The following SPIDR variants were observed in gnomAD, a reference collection of about 807,000 sequenced individuals.
SPIDR encodes the protein DNA repair-scaffolding protein.
SPIDR carries 93 observed loss-of-function variants against 104.6 expected under a neutral mutation model. The observed-to-expected ratio is 0.89, with a 90% CI of 0.75 to 1.06. The LOEUF (loss-of-function observed/expected upper bound fraction) is 1.06. Among genes scored for constraint, SPIDR ranks in the 50% least tolerant of loss-of-function variants. The pLI is 0.00. For missense variants in SPIDR, 1,154 were observed against 1,111.2 expected (o/e 1.04, Z -0.55); for synonymous variants, 431 against 416.9 (o/e 1.03, Z -0.41).
chr8:47,553,955 G>A (rs1210206899), intron 8 of SPIDR, among the ~76,000 whole-genome samples: 1 of 152,174 alleles, frequency 6.6e-6, no homozygotes, highest in Non-Finnish European at 1.5e-5. Flanking sequence ...CTGTTTGTTT[G>A]TTTTCCTTCC....
intron 8 of SPIDR, among the ~76,000 whole-genome samples, chr8:47,480,745 C>T (rs2076814748): frequency 6.6e-6 from 1 of 152,200 alleles, no homozygotes; most frequent in Admixed American, 6.5e-5. Flanking sequence ...GCATCTTCTC[C>T]TTCCTGTCCA....
intron 8 of SPIDR, among the ~76,000 whole-genome samples, chr8:47,508,574 G>A (rs554307446): frequency 7.9e-5 from 12 of 152,258 alleles, no homozygotes; most frequent in South Asian, 2.1e-4. Context: ...TGTTGCTTTC[G>A]GTTGCTATTG....
chr8:47,636,962 A>G (rs2068019376), intron 10 of SPIDR, among the ~76,000 whole-genome samples: 1 of 152,058 alleles, frequency 6.6e-6, no homozygotes, highest in Non-Finnish European at 1.5e-5. Flanking sequence ...GAGCCTTGGC[A>G]GGAGGGTGAG....
At chr8:47,369,907 A>AT (rs1344035328) in intron 5 of SPIDR, among the ~76,000 whole-genome samples, 52 of 150,534 alleles carry the variant, frequency 3.5e-4, no homozygotes, top group East Asian at 7.8e-4. Context: ...GTTTGTCTGG[A>AT]TTTTTTTTTG....
At chr8:47,727,978 A>G (rs1024356839) in intron 17 of SPIDR, among the ~76,000 whole-genome samples, 2 of 152,264 alleles carry the variant, frequency 1.3e-5, no homozygotes, top group Middle Eastern at 3.4e-3. Context: ...TTAGCTGGGC[A>G]TGGTGGCGCG....
chr8:47,385,460 A>T (rs933228989), intron 5 of SPIDR, among the ~76,000 whole-genome samples: 9 of 152,254 alleles, frequency 5.9e-5, no homozygotes, highest in Admixed American at 1.3e-4. Context: ...CTTCATGTAC[A>T]TATGAGTCTG....
chr8:47,696,040 T>TG (rs1426174208), intron 11 of SPIDR, among the ~76,000 whole-genome samples: 1 of 152,224 alleles, frequency 6.6e-6, no homozygotes, highest in African/African-American at 2.4e-5. Flanking sequence ...TGAGTGATGC[T>TG]GGGGCTGCCT....
intron 8 of SPIDR, among the ~76,000 whole-genome samples, chr8:47,463,801 C>T (rs1227952718): frequency 6.6e-6 from 1 of 152,144 alleles, no homozygotes; most frequent in Non-Finnish European, 1.5e-5. Flanking sequence ...AAGCATTTGA[C>T]AGAATCCAGC....
At position 47,454,241 on chromosome 8, in the gene SPIDR, T is replaced by C. The variant is rs142447243; in HGVS notation, c.1097+13699T>C. ...TGGAACCAACCCAAATGTCCATCAA[T>C]AATATACTGGATTAAGAAAATGTGG... On this transcript the variant is annotated intron_variant, in intron 8 of 19. Transcript: ENST00000297423. 9.9e-5 allele frequency among the ~76,000 whole-genome samples: 15 copies of C among 152,264 alleles called. No homozygotes were observed. In the East Asian group the frequency reaches 2.9e-3, roughly 29 times the overall value.
At position 47,356,392 on chromosome 8, in the gene SPIDR, A is replaced by T. The variant is rs79016998; in HGVS notation, c.526-39984A>T. 4.9e-3 allele frequency among the ~76,000 whole-genome samples: 748 copies of T among 152,302 alleles called. 3 individuals are homozygous for T. Among genetic ancestry groups the T allele is most frequent in the Non-Finnish European group, 9.2e-3 (629 of 68,034 alleles). Reference sequence around the variant, plus strand: ...GAAGGCCCCCTCAGAGTGCTCATCAATATCGACGCATTCCTGTGGGAGCTG... The same window carrying T: ...GAAGGCCCCCTCAGAGTGCTCATCATTATCGACGCATTCCTGTGGGAGCTG... On this transcript the variant is annotated intron_variant, in intron 5 of 19. Transcript: ENST00000297423.
At chr8:47,695,661 G>A (rs1380330511) in intron 11 of SPIDR, among the ~76,000 whole-genome samples, 1 of 152,144 alleles carries the variant, frequency 6.6e-6, no homozygotes, top group African/African-American at 2.4e-5. Context: ...CTAATGTTCC[G>A]GTGTGCAAAG....
chr8:47,664,884 G>A (rs1370909948), intron 10 of SPIDR, among the ~76,000 whole-genome samples: 2 of 149,852 alleles, frequency 1.3e-5, no homozygotes, highest in Admixed American at 6.7e-5. Context: ...TGCAGAGTGA[G>A]ACCCTGTCTC....
chr8:47,606,363 CAAAAAAA>C (rs879898929), intron 10 of SPIDR, among the ~76,000 whole-genome samples: 1 of 138,190 alleles, frequency 7.2e-6, no homozygotes, highest in African/African-American at 2.7e-5. Context: ...ACTAAAAATA[CAAAAAAA>C]AAAAAATTAG....
intron 8 of SPIDR, among the ~76,000 whole-genome samples, chr8:47,558,201 T>C (rs186741975): frequency 2.0e-4 from 31 of 152,314 alleles, no homozygotes; most frequent in Admixed American, 1.7e-3. Context: ...TACTTGGTAC[T>C]ATGTTCACTG....
intron 1 of SPIDR, among the ~76,000 whole-genome samples, chr8:47,278,990 G>T (rs1000323558): frequency 6.6e-6 from 1 of 151,448 alleles, no homozygotes; most frequent in East Asian, 1.9e-4. Context: ...GGGCTCAAGC[G>T]ATCCTCCTGG....
intron 11 of SPIDR, among the ~76,000 whole-genome samples, chr8:47,693,654 G>T (rs996670498): frequency 6.6e-6 from 1 of 152,184 alleles, no homozygotes; most frequent in East Asian, 1.9e-4. Context: ...TCACATTCTC[G>T]TGAGGACACA....
At chr8:47,336,318 A>G (rs1554609192) in intron 5 of SPIDR, among the ~76,000 whole-genome samples, 1 of 152,182 alleles carries the variant, frequency 6.6e-6, no homozygotes, top group Non-Finnish European at 1.5e-5. Flanking sequence ...TGTTACTGAA[A>G]CACCAGGGGT....
chr8:47,401,980 A>T (rs1261385389), intron 6 of SPIDR, among the ~76,000 whole-genome samples: 1 of 152,198 alleles, frequency 6.6e-6, no homozygotes, highest in Non-Finnish European at 1.5e-5. Context: ...TGCACCTAGC[A>T]GACCTAATAG....
intron 8 of SPIDR, among the ~76,000 whole-genome samples, chr8:47,590,319 C>T (rs191783425): frequency 3.3e-5 from 5 of 151,630 alleles, no homozygotes; most frequent in Non-Finnish European, 5.9e-5. Flanking sequence ...GTAAAATTTC[C>T]TCTCAGTATC....
Sources: allele counts gnomAD v4.1 joint callset (sites outside exome capture counted in the v4.1 genomes callset), GRCh38; gene constraint gnomAD v4.1.1; transcripts MANE v1.5; gene names NCBI Gene and HGNC (gene_info 2026-07-23, HGNC 2026-07-21).